ZFPM2: variants seen among roughly 807,000 people sequenced by gnomAD.
ZFPM2 encodes zinc finger protein ZFPM2.
Under a neutral mutation model 98.6 loss-of-function variants are expected in ZFPM2, and 20 were observed. The observed-to-expected ratio is 0.20, with a 90% CI of 0.14 to 0.29. The LOEUF (loss-of-function observed/expected upper bound fraction) is 0.29, where lower values mean the gene tolerates loss of function less well. ZFPM2 is among the 10% of genes least tolerant of loss of function. ZFPM2 has a pLI of 1.00. For missense variants in ZFPM2, 1,310 were observed against 1,388.6 expected (o/e 0.94, Z 0.90); for synonymous variants, 518 against 502.7 (o/e 1.03, Z -0.41).
rs76671643 is a variant in ZFPM2, at chr8:105,572,479, T to C, written c.420+10998T>C. On this transcript the variant is annotated intron_variant, in intron 4 of 7. Transcript: ENST00000407775. ...AATATTGAATTTAAAGTTGTTCTTT[T>C]TTTTTGAGACAGAGTTTTGCTGTTG... Among the ~76,000 whole-genome samples the C allele has an allele frequency of 5.9e-4, 90 of 152,280 alleles. No homozygotes were observed. The East Asian group carries it at 0.017, about 28-fold the overall frequency.
At chr8:105,509,036 AG>A (rs1486835877) in intron 3 of ZFPM2, among the ~76,000 whole-genome samples, 2 of 152,148 alleles carry the variant, frequency 1.3e-5, no homozygotes, top group African/African-American at 4.8e-5. Context: ...GGAGCGGTGC[AG>A]TAGAGCGCCG....
chr8:105,620,964 G>A (rs1461718814), intron 4 of ZFPM2, among the ~76,000 whole-genome samples: 6 of 152,102 alleles, frequency 3.9e-5, no homozygotes, highest in East Asian at 1.9e-4. Flanking sequence ...GTCAGGTAGC[G>A]TGATGCCTCC....
chr8:105,778,262 C>T (rs1181427899), intron 5 of ZFPM2, among the ~76,000 whole-genome samples: 5 of 151,978 alleles, frequency 3.3e-5, no homozygotes, highest in African/African-American at 1.2e-4. Flanking sequence ...TTACCACATG[C>T]GATGTTGAAA....
rs529247385 is a variant in ZFPM2 at position 105,496,704 on chromosome 8, C to T, written c.301+52323C>T. On this transcript the variant is annotated intron_variant, in intron 3 of 7. Transcript: ENST00000407775. ...TTTTTTTTTTGAGACGGAGTCAGGC[C>T]GGGCATGGTGGCTCATGCCTGTAAT... Among the ~76,000 whole-genome samples the T allele has an allele frequency of 4.5e-4, 66 of 145,772 alleles. 1 individual carries two copies. Among genetic ancestry groups the T allele is most frequent in the African/African-American group, 1.6e-3 (64 of 39,776 alleles).
At chr8:105,356,028 C>G (rs1447172638) in intron 1 of ZFPM2, among the ~76,000 whole-genome samples, 1 of 152,156 alleles carries the variant, frequency 6.6e-6, no homozygotes, top group Non-Finnish European at 1.5e-5. Context: ...GGTTTGATTA[C>G]TTCTTTTTGA....
At chr8:105,757,955 A>C (rs1241028995) in intron 5 of ZFPM2, among the ~76,000 whole-genome samples, 2 of 152,118 alleles carry the variant, frequency 1.3e-5, no homozygotes, top group East Asian at 1.9e-4. Context: ...TATCCACATG[A>C]AACTCCAAAG....
chr8:105,588,102 A>G (rs762122906), intron 4 of ZFPM2, among the ~76,000 whole-genome samples: 1 of 152,180 alleles, frequency 6.6e-6, no homozygotes, highest in Non-Finnish European at 1.5e-5. Context: ...TTTGGTGACA[A>G]TGGATGCATT....
chr8:105,634,430 G>C (rs2130840007), intron 5 of ZFPM2, 73 bp downstream of exon 5: 1 of 1,172,694 alleles, frequency 8.5e-7, no homozygotes, highest in East Asian at 2.5e-5. Flanking sequence ...CACCAGAAGA[G>C]CTGGAATGGA....
intron 4 of ZFPM2, chr8:105,616,587 A>AC (rs1180313598): frequency 1.6e-5 from 4 of 252,678 alleles, no homozygotes; most frequent in African/African-American, 9.2e-5. Context: ...ATAAATGTGC[A>AC]CTTACTGTGT....
intron 3 of ZFPM2, among the ~76,000 whole-genome samples, chr8:105,496,043 T>C (rs1040147394): frequency 6.6e-5 from 10 of 152,372 alleles, no homozygotes; most frequent in African/African-American, 2.4e-4. Context: ...TACAATGCTA[T>C]TAACTAAACT....
chr8:105,715,350 C>T (rs1811496601), intron 5 of ZFPM2, among the ~76,000 whole-genome samples: 1 of 147,762 alleles, frequency 6.8e-6, no homozygotes, highest in Non-Finnish European at 1.5e-5. Context: ...CAGAGAGCTG[C>T]GATTGTCCCA....
intron 5 of ZFPM2, among the ~76,000 whole-genome samples, chr8:105,754,360 C>A (rs1414854974): frequency 6.6e-6 from 1 of 152,010 alleles, no homozygotes; most frequent in Non-Finnish European, 1.5e-5. Context: ...TTTTTATGTC[C>A]ACTGTCTTGA....
intron 5 of ZFPM2, among the ~76,000 whole-genome samples, chr8:105,748,461 T>C (rs1201796749): frequency 2.6e-5 from 4 of 152,072 alleles, no homozygotes; most frequent in African/African-American, 9.6e-5. Context: ...AAATGAAGCA[T>C]GTATACATTT....
chr8:105,547,493 G>T (rs1302519630), intron 3 of ZFPM2, among the ~76,000 whole-genome samples: 1 of 118,760 alleles, frequency 8.4e-6, no homozygotes, highest in Admixed American at 1.2e-4. Context: ...AGTGAGCCAA[G>T]ATCACACCAT....
chr8:105,327,166 T>C (rs1812130483), intron 1 of ZFPM2, among the ~76,000 whole-genome samples: 1 of 148,238 alleles, frequency 6.7e-6, no homozygotes, highest in Non-Finnish European at 1.5e-5. Flanking sequence ...TTTTAGCTAG[T>C]TGACATCTGT....
intron 3 of ZFPM2, among the ~76,000 whole-genome samples, chr8:105,503,944 T>G (rs541438318): frequency 2.0e-5 from 3 of 152,220 alleles, no homozygotes; most frequent in African/African-American, 7.2e-5. Flanking sequence ...GTATCCATTC[T>G]GTTTTGTGGC....
chr8:105,323,942 G>A (rs181841107), intron 1 of ZFPM2, among the ~76,000 whole-genome samples: 1 of 151,916 alleles, frequency 6.6e-6, no homozygotes, highest in African/African-American at 2.4e-5. Context: ...TGGAGTAAGA[G>A]GGACTATCAA....
chr8:105,380,657 AT>A (rs1345766936), intron 1 of ZFPM2, among the ~76,000 whole-genome samples: 3 of 27,672 alleles, frequency 1.1e-4, no homozygotes, highest in Non-Finnish European at 1.7e-4. Flanking sequence ...ATATATATAT[AT>A]TATATATAAC....
chr8:105,678,867 A>G (rs1810535333), intron 5 of ZFPM2: 1 of 152,234 alleles, frequency 6.6e-6, no homozygotes, highest in South Asian at 2.1e-4. Flanking sequence ...ATAGAAGCAC[A>G]CAATTATATA....
Sources: allele counts gnomAD v4.1 joint callset (sites outside exome capture counted in the v4.1 genomes callset), GRCh38; gene constraint gnomAD v4.1.1; transcripts MANE v1.5; gene names NCBI Gene and HGNC (gene_info 2026-07-23, HGNC 2026-07-21).